Variants in ATG10 observed in about 807,000 individuals in gnomAD.
ATG10 encodes the protein autophagy related 10.
ATG10 carries 30 observed loss-of-function variants against 32.1 expected under a neutral mutation model. The ratio of observed to expected loss-of-function variants is 0.94; its 90% CI spans 0.70 to 1.27. The LOEUF is 1.27. Ranked by LOEUF, ATG10 falls within the 50% of genes most tolerant of loss-of-function variation. The probability of loss-of-function intolerance (pLI) is 0.00; values close to 1 mark genes in which losing one functional copy is unlikely to be tolerated. For missense variants in ATG10, 233 were observed against 262.3 expected (o/e 0.89, Z 0.77); for synonymous variants, 87 against 91.5 (o/e 0.95, Z 0.28).
At chr5:82,178,445 T>A (rs1240478172) in intron 4 of ATG10, 45 bp from the exon 5 acceptor site, 1 of 1,163,640 alleles carries the variant, frequency 8.6e-7, no homozygotes. Context: ...AGCACCATTG[T>A]GTCACATGAA....
intron 3 of ATG10, among the ~76,000 whole-genome samples, chr5:82,060,072 C>T (rs1038323831): frequency 1.6e-4 from 24 of 152,312 alleles, no homozygotes; most frequent in African/African-American, 5.8e-4. Flanking sequence ...AGGGAACTGA[C>T]ACTTTCTGGT....
At chr5:82,138,655 C>T (rs895910331) in intron 3 of ATG10, among the ~76,000 whole-genome samples, 3 of 152,120 alleles carry the variant, frequency 2.0e-5, no homozygotes, top group African/African-American at 4.8e-5. Flanking sequence ...CAGACTGGAG[C>T]TGTTTCCATT....
chr5:82,214,925 G>A (rs1745620240), intron 5 of ATG10, among the ~76,000 whole-genome samples: 1 of 152,204 alleles, frequency 6.6e-6, no homozygotes, highest in South Asian at 2.1e-4. Flanking sequence ...AGTGCACCTT[G>A]CACATAAGAG....
At chr5:82,111,660 TAGAC>T (rs1292246790) in intron 3 of ATG10, among the ~76,000 whole-genome samples, 3 of 151,998 alleles carry the variant, frequency 2.0e-5, no homozygotes, top group Non-Finnish European at 2.9e-5. Context: ...AAATCCTAAA[TAGAC>T]TGAATAATTA....
intron 5 of ATG10, among the ~76,000 whole-genome samples, chr5:82,199,281 T>G (rs1744976268): frequency 6.6e-6 from 1 of 152,228 alleles, no homozygotes; most frequent in African/African-American, 2.4e-5. Flanking sequence ...TTGGTAGAAT[T>G]TGTGTGCTTG....
At chr5:82,025,752 A>G (rs1419050870) in intron 2 of ATG10, among the ~76,000 whole-genome samples, 2 of 152,178 alleles carry the variant, frequency 1.3e-5, no homozygotes, top group African/African-American at 4.8e-5. Context: ...ATTTTGGACT[A>G]AAAAGCTTTA....
At chr5:82,024,937 A>T (rs1179376359) in intron 2 of ATG10, among the ~76,000 whole-genome samples, 1 of 152,230 alleles carries the variant, frequency 6.6e-6, no homozygotes, top group Non-Finnish European at 1.5e-5. Context: ...GAGATTTTAA[A>T]AACTGGGACA....
intron 5 of ATG10, among the ~76,000 whole-genome samples, chr5:82,245,357 A>G (rs1345098122): frequency 6.6e-6 from 1 of 152,236 alleles, no homozygotes; most frequent in Admixed American, 6.5e-5. Context: ...AATATTATCC[A>G]CATTGATTGT....
Position 82,244,856 on chromosome 5 carries a change from T to C in ATG10, c.454-7706T>C, listed in dbSNP as rs758388794. On this transcript the variant is annotated intron_variant, in intron 5 of 7. Transcript: ENST00000282185. ...CTAAATTAAATTTCATGAGGAAATA[T>C]GCCTATATAACTTCTCTGGAGTTAC... 1.1e-4 allele frequency among the ~76,000 whole-genome samples: 16 copies of C among 152,358 alleles called. No homozygotes were observed. The South Asian group carries it at 1.2e-3, about 12-fold the overall frequency.
rs1370198935 is a variant in ATG10 at position 82,026,283 on chromosome 5, G to A, written c.109-32212G>A. ...GTTTCACTTAGCATAATGCCTTCAG[G>A]GTTCATTCATGTTGCAGCGTGTATC... On this transcript the variant is annotated intron_variant, in intron 2 of 7. Transcript: ENST00000282185. Among the ~76,000 whole-genome samples the A allele has an allele frequency of 5.9e-5, 9 of 151,990 alleles. No individual in the cohort carries two copies. The South Asian group carries it at 1.2e-3, about 21-fold the overall frequency.
At chr5:82,108,107 G>T (rs939950581) in intron 3 of ATG10, among the ~76,000 whole-genome samples, 9 of 151,952 alleles carry the variant, frequency 5.9e-5, no homozygotes, top group African/African-American at 2.2e-4. Context: ...AGTTTATTCT[G>T]TTGTCAGAGG....
intron 5 of ATG10, among the ~76,000 whole-genome samples, chr5:82,239,429 G>C (rs902003831): frequency 5.3e-5 from 8 of 152,136 alleles, no homozygotes; most frequent in African/African-American, 1.9e-4. Flanking sequence ...GAATTAAAGA[G>C]TAGTAGAGGA....
rs542048771 is a variant in ATG10 at position 82,163,615 on chromosome 5, A to C, written c.217-784A>C. On this transcript the variant is annotated intron_variant, in intron 3 of 7. Transcript: ENST00000282185. ...TTCTTCAACCCCAATAAATAAGTGA[A>C]AGTGGATGGAACCAGGGTCTGACTC... 2.0e-5 allele frequency among the ~76,000 whole-genome samples: 3 copies of C among 152,314 alleles called. No individual in the cohort carries two copies. In the East Asian group the frequency reaches 5.8e-4, roughly 29 times the overall value.
At chr5:82,234,581 T>C (rs1267912972) in intron 5 of ATG10, among the ~76,000 whole-genome samples, 2 of 152,246 alleles carry the variant, frequency 1.3e-5, no homozygotes, top group Non-Finnish European at 2.9e-5. Context: ...ACGCTAGCTC[T>C]GAAAAGATTT....
chr5:82,091,410 G>A (rs1764880340), intron 3 of ATG10, among the ~76,000 whole-genome samples: 1 of 151,840 alleles, frequency 6.6e-6, no homozygotes, highest in Admixed American at 6.6e-5. Context: ...CTCCAATTCA[G>A]TGGCTTCATG....
chr5:82,029,689 A>G (rs573958843), intron 2 of ATG10, among the ~76,000 whole-genome samples: 1 of 152,354 alleles, frequency 6.6e-6, no homozygotes, highest in East Asian at 1.9e-4. Context: ...AGCTGTTCAG[A>G]TGGCTTCTGA....
intron 5 of ATG10, among the ~76,000 whole-genome samples, chr5:82,212,171 A>G (rs1745519976): frequency 6.6e-6 from 1 of 152,210 alleles, no homozygotes; most frequent in Non-Finnish European, 1.5e-5. Flanking sequence ...GTGAGAATAG[A>G]TATAATCAGA....
In ATG10 at chr5:82,102,448, G is replaced by A. The variant is rs189282822; in HGVS notation, c.216+43846G>A. Among the ~76,000 whole-genome samples the A allele has an allele frequency of 1.6e-3, 241 of 152,148 alleles. 1 individual carries two copies. The highest frequency in any genetic ancestry group is 5.4e-3 in the African/African-American group (225 of 41,528). ...ATCTAGGTCTGTGCTCATTCTTACT[G>A]ACACAGATAATATTAAGTAAACACA... On this transcript the variant is annotated intron_variant, in intron 3 of 7. Coordinates refer to ENST00000282185, the MANE Select transcript of ATG10 (RefSeq NM_031482.5).
intron 3 of ATG10, among the ~76,000 whole-genome samples, chr5:82,131,828 C>T (rs1766548892): frequency 6.6e-6 from 1 of 152,010 alleles, no homozygotes; most frequent in African/African-American, 2.4e-5. Context: ...TTAATTGGCT[C>T]ATGGTTCTGC....
Sources: allele counts gnomAD v4.1 joint callset (sites outside exome capture counted in the v4.1 genomes callset), GRCh38; gene constraint gnomAD v4.1.1; transcripts MANE v1.5; gene names NCBI Gene and HGNC (gene_info 2026-07-23, HGNC 2026-07-21).